The following INPP4B variants were observed in gnomAD, a reference collection of about 807,000 sequenced individuals.
The protein encoded by INPP4B is inositol polyphosphate-4-phosphatase type II B, also known as inositol polyphosphate 4-phosphatase type II.
Under a neutral mutation model 122.5 loss-of-function variants are expected in INPP4B, and 55 were observed. The observed-to-expected ratio is 0.45, with a 90% CI of 0.36 to 0.56. The LOEUF (loss-of-function observed/expected upper bound fraction) is 0.56. Ranked by LOEUF, INPP4B falls within the 20% of genes least tolerant of loss-of-function variation. The pLI, the probability that INPP4B is intolerant of heterozygous loss-of-function variation, is 0.00. For missense variants in INPP4B, 1,000 were observed against 1,097.7 expected, an observed-to-expected ratio of 0.91 and a Z score of 1.26; for synonymous variants, 403 against 388.7, an observed-to-expected ratio of 1.04 and a Z score of -0.43.
chr4:142,707,541 C>T (rs1490974995), intron 2 of INPP4B, among the ~76,000 whole-genome samples: 1 of 152,096 alleles, frequency 6.6e-6, no homozygotes, highest in Non-Finnish European at 1.5e-5. Flanking sequence ...ATGAGATCTG[C>T]TTGTTTAAAA....
intron 12 of INPP4B, among the ~76,000 whole-genome samples, chr4:142,221,274 C>A (rs1344082382): frequency 2.6e-5 from 4 of 151,174 alleles, no homozygotes; most frequent in Non-Finnish European, 4.4e-5. Flanking sequence ...GTGGCAGGCA[C>A]CTGTAGTCCC....
intron 2 of INPP4B, among the ~76,000 whole-genome samples, chr4:142,556,387 G>A (rs1729178139): frequency 6.6e-6 from 1 of 152,194 alleles, no homozygotes; most frequent in South Asian, 2.1e-4. Flanking sequence ...TTATATGTAA[G>A]TGAAGAAAAA....
intron 2 of INPP4B, among the ~76,000 whole-genome samples, chr4:142,609,352 A>G (rs1236309102): frequency 6.6e-6 from 1 of 152,102 alleles, no homozygotes; most frequent in African/African-American, 2.4e-5. Context: ...ATCAATTTGA[A>G]TGTTTCAGCT....
At chr4:142,262,089 A>T (rs569279604) in intron 10 of INPP4B, among the ~76,000 whole-genome samples, 1 of 152,236 alleles carries the variant, frequency 6.6e-6, no homozygotes, top group East Asian at 1.9e-4. Context: ...TAAAATTCTA[A>T]TTTTTCCTAT....
intron 3 of INPP4B, among the ~76,000 whole-genome samples, chr4:142,440,484 G>C (rs1484192227): frequency 1.3e-5 from 2 of 152,116 alleles, no homozygotes; most frequent in African/African-American, 4.8e-5. Context: ...GTTCAGTTTG[G>C]CTAAATCCAA....
At chr4:142,188,013 G>C (rs72720423) in intron 15 of INPP4B, among the ~76,000 whole-genome samples, 5,411 of 152,160 alleles carry the variant, frequency 0.036, 157 homozygotes, top group South Asian at 0.067. Flanking sequence ...CTGGAAGAGA[G>C]CACCCAGTAT....
chr4:142,492,971 C>A (rs1426896324), intron 2 of INPP4B, among the ~76,000 whole-genome samples: 1 of 152,214 alleles, frequency 6.6e-6, no homozygotes, highest in South Asian at 2.1e-4. Flanking sequence ...TCCCAGGGCA[C>A]CCCTGCTCTA....
chr4:142,769,691 G>T lies in INPP4B; in HGVS notation c.-253-43790C>A, dbSNP rs567362540. ...ACAATTTGGGAGGCTGAGGCAGATG[G>T]ATCACCTGAGGTCAGGAGTTTGAGA... On this transcript the variant is annotated intron_variant, in intron 1 of 25. Coordinates refer to ENST00000262992, the MANE Select transcript of INPP4B (RefSeq NM_001101669.3). Among the ~76,000 whole-genome samples, 15 of 152,210 alleles carry T rather than the reference G, an allele frequency of 9.9e-5. No homozygotes were observed. The South Asian group carries it at 3.1e-3, about 32-fold the overall frequency.
chr4:142,810,594 G>C (rs1377170095), intron 1 of INPP4B, among the ~76,000 whole-genome samples: 3 of 151,730 alleles, frequency 2.0e-5, no homozygotes, highest in Non-Finnish European at 4.4e-5. Flanking sequence ...AGTACCTAAC[G>C]AGTGATTTCA....
intron 18 of INPP4B, among the ~76,000 whole-genome samples, chr4:142,141,443 T>A (rs548316961): frequency 6.6e-6 from 1 of 152,158 alleles, no homozygotes; most frequent in Admixed American, 6.5e-5. Flanking sequence ...AGACAGCAGA[T>A]GCTTAGAAAG....
chr4:142,123,722 A>G (rs1797529080), intron 19 of INPP4B, among the ~76,000 whole-genome samples: 4 of 152,150 alleles, frequency 2.6e-5, no homozygotes, highest in African/African-American at 9.7e-5. Flanking sequence ...AGCACTTCCA[A>G]ATCTTACTAT....
At chr4:142,628,557 T>TAAAAAAAAAAAAAAAAAAAAAAAAA (rs35955830) in intron 2 of INPP4B, among the ~76,000 whole-genome samples, 1 of 99,924 alleles carries the variant, frequency 1.0e-5, no homozygotes, top group Non-Finnish European at 2.0e-5. Flanking sequence ...AAACTTAAAG[T>TAAAAAAAAAAAAAAAAAAAAAAAAA]AAAAAAAAAA....
chr4:142,743,095 T>C (rs1768136664), intron 1 of INPP4B, among the ~76,000 whole-genome samples: 1 of 152,066 alleles, frequency 6.6e-6, no homozygotes, highest in African/African-American at 2.4e-5. Context: ...ATGGAGTAAC[T>C]TGTCTTGGAT....
intron 2 of INPP4B, among the ~76,000 whole-genome samples, chr4:142,624,128 T>C (rs13115043): frequency 0.85 from 128,222 of 150,078 alleles, 54,843 homozygotes; most frequent in African/African-American, 0.89. Context: ...GTTCTAGATC[T>C]CTGAGGAATC....
intron 2 of INPP4B, among the ~76,000 whole-genome samples, chr4:142,495,264 G>A (rs1004425097): frequency 1.4e-5 from 2 of 144,942 alleles, no homozygotes; most frequent in African/African-American, 2.5e-5. Context: ...CAATATTTCT[G>A]ATTCATAAAA....
intron 2 of INPP4B, among the ~76,000 whole-genome samples, chr4:142,646,552 TG>T (rs1751825544): frequency 6.6e-6 from 1 of 152,218 alleles, no homozygotes; most frequent in Admixed American, 6.5e-5. Context: ...GAGGACAGAA[TG>T]TTGACACTTT....
chr4:142,314,596 C>A (rs1579705795), intron 8 of INPP4B, 116 bp downstream of exon 8: 2 of 930,460 alleles, frequency 2.1e-6, no homozygotes, highest in South Asian at 1.6e-5. Context: ...AAGAGCCACA[C>A]CCTGTTAATG....
chr4:142,600,121 C>A (rs78846843), intron 2 of INPP4B, among the ~76,000 whole-genome samples: 2,003 of 152,230 alleles, frequency 0.013, 13 homozygotes, highest in Non-Finnish European at 0.019. Flanking sequence ...AAGATAATTT[C>A]TCAAATCTAG....
At chr4:142,502,085 A>G (rs1308287877) in intron 2 of INPP4B, among the ~76,000 whole-genome samples, 1 of 152,190 alleles carries the variant, frequency 6.6e-6, no homozygotes, top group Non-Finnish European at 1.5e-5. Context: ...GATTTGTCAG[A>G]TGTTTGGTTC....
Sources: gnomAD v4.1 joint callset for allele counts (sites outside exome capture counted in the v4.1 genomes callset) on GRCh38, gnomAD v4.1.1 for gene constraint, MANE v1.5 for transcripts, NCBI Gene and HGNC (gene_info 2026-07-23, HGNC 2026-07-21) for gene names.